SLC5A4: variants seen among roughly 807,000 people sequenced by gnomAD.
The protein encoded by SLC5A4 is solute carrier family 5 member 4.
In SLC5A4, 55 loss-of-function variants were observed where a neutral mutation model predicts 70.3. The ratio of observed to expected loss-of-function variants is 0.78; its 90% CI spans 0.63 to 0.98. SLC5A4 has a LOEUF of 0.98. SLC5A4 is among the 50% of genes least tolerant of loss of function. The probability of loss-of-function intolerance (pLI) is 0.00; values close to 1 mark genes in which losing one functional copy is unlikely to be tolerated. For missense variants in SLC5A4, 735 were observed against 839.2 expected, an observed-to-expected ratio of 0.88 and a Z score of 1.53; for synonymous variants, 268 against 305.7, an observed-to-expected ratio of 0.88 and a Z score of 1.29.
chr22:32,275,161 C>A, the SLC5A4 span, among the ~76,000 whole-genome samples: 1 of 152,254 alleles, frequency 6.6e-6, no homozygotes, highest in Non-Finnish European at 1.5e-5. Context: ...AAAGAAAAAT[C>A]GACTCTTGAT....
chr22:32,313,675 C>T, the SLC5A4 span, among the ~76,000 whole-genome samples: 1 of 152,144 alleles, frequency 6.6e-6, no homozygotes, highest in Non-Finnish European at 1.5e-5. Flanking sequence ...CAGCATGAAC[C>T]CCACTGCCCT....
chr22:32,307,303 C>T, the SLC5A4 span, among the ~76,000 whole-genome samples: 49 of 152,146 alleles, frequency 3.2e-4, no homozygotes, highest in African/African-American at 1.2e-3. Context: ...ATTTATCTAG[C>T]ATCAGCTGTT....
Position 32,229,223 on chromosome 22 carries a change from C to T in SLC5A4, c.1251G>A (p.Ala417=), listed in dbSNP as rs5998322. ...IDLYTKMRKQ[A]SEKELLIAGR... is the part of the protein sequence containing the mutation. ...CAGCTATCAGGAGCTCTTTCTCCGA[C>T]GCTTGCTTCCGCATCTTGGTGTAGA... Residue 417 remains alanine, a synonymous_variant, in exon 11 of 15, where the codon GCG becomes GCA. Coordinates refer to ENST00000266086, the MANE Select transcript of SLC5A4 (RefSeq NM_014227.3). The T allele has an allele frequency of 0.064, 103,331 of 1,613,860 alleles. 3,703 individuals carry two copies. Among genetic ancestry groups the T allele is most frequent in the African/African-American group, 0.11 (8,220 of 75,006 alleles).
the SLC5A4 span, among the ~76,000 whole-genome samples, chr22:32,306,818 C>T: frequency 6.6e-6 from 1 of 152,304 alleles, no homozygotes; most frequent in Non-Finnish European, 1.5e-5. Context: ...GGTTATTTGA[C>T]TATGATGTAT....
chr22:32,319,533 CT>C, the SLC5A4 span, among the ~76,000 whole-genome samples: 2 of 152,192 alleles, frequency 1.3e-5, no homozygotes, highest in African/African-American at 4.8e-5. Context: ...AACTGCAGAC[CT>C]TTGGATTCCT....
At chr22:32,340,711 G>C in the SLC5A4 span, among the ~76,000 whole-genome samples, 1 of 152,210 alleles carries the variant, frequency 6.6e-6, no homozygotes, top group African/African-American at 2.4e-5. Flanking sequence ...CAGCGGGGCT[G>C]GTGCGGCTGC....
chr22:32,247,636 G>GGAAC (rs773165884), intron 4 of SLC5A4, 121 bp from the exon 5 acceptor site: 33 of 688,750 alleles, frequency 4.8e-5, no homozygotes, highest in Admixed American at 2.6e-4. Flanking sequence ...TCCTGGTGAT[G>GGAAC]GAACCATGGC....
chr22:32,328,600 C>G, the SLC5A4 span, among the ~76,000 whole-genome samples: 1 of 151,070 alleles, frequency 6.6e-6, no homozygotes, highest in South Asian at 2.1e-4. Context: ...TGTATCCTCC[C>G]CAGCAGTGCC....
chr22:32,280,559 T>C, the SLC5A4 span, among the ~76,000 whole-genome samples: 6 of 152,162 alleles, frequency 3.9e-5, no homozygotes, highest in African/African-American at 1.4e-4. Flanking sequence ...CGAGCTGGAC[T>C]CTCCTCCCTC....
At chr22:32,324,865 C>T in the SLC5A4 span, among the ~76,000 whole-genome samples, 9 of 152,236 alleles carry the variant, frequency 5.9e-5, no homozygotes, top group Admixed American at 1.3e-4. Flanking sequence ...GCCCCGGGAA[C>T]GCTTCCACAT....
intron 5 of SLC5A4, among the ~76,000 whole-genome samples, chr22:32,239,554 A>ATATATATATATATTTT (rs1569374845): frequency 5.9e-5 from 1 of 16,854 alleles, no homozygotes; most frequent in East Asian, 3.1e-3. Flanking sequence ...ATATATATAT[A>ATATATATATATATTTT]TATATATATA....
intron 6 of SLC5A4, among the ~76,000 whole-genome samples, chr22:32,237,850 T>C (rs1251405333): frequency 6.6e-6 from 1 of 152,300 alleles, no homozygotes; most frequent in Non-Finnish European, 1.5e-5. Context: ...TCAGTCTAGT[T>C]AGTCACCAGC....
At chr22:32,220,241 T>A (rs1388774730) in intron 14 of SLC5A4, among the ~76,000 whole-genome samples, 1 of 152,174 alleles carries the variant, frequency 6.6e-6, no homozygotes, top group East Asian at 1.9e-4. Context: ...AGGCCAGTCA[T>A]ACTCAGGAAT....
At chr22:32,290,464 G>C in the SLC5A4 span, among the ~76,000 whole-genome samples, 8 of 152,086 alleles carry the variant, frequency 5.3e-5, no homozygotes, top group South Asian at 1.7e-3. Context: ...TATTACTACA[G>C]GACTCTTTAA....
the SLC5A4 span, among the ~76,000 whole-genome samples, chr22:32,338,106 G>A: frequency 1.3e-5 from 2 of 152,248 alleles, no homozygotes; most frequent in South Asian, 4.1e-4. Flanking sequence ...CGATGATATT[G>A]CTTAGAGCAA....
the SLC5A4 span, among the ~76,000 whole-genome samples, chr22:32,321,596 TTCCTGG>T: frequency 6.6e-6 from 1 of 152,232 alleles, no homozygotes; most frequent in African/African-American, 2.4e-5. Context: ...TAGTTATTTT[TTCCTGG>T]TCCTCCCCCT....
the SLC5A4 span, among the ~76,000 whole-genome samples, chr22:32,330,190 A>C: frequency 2.7e-5 from 2 of 73,312 alleles, no homozygotes; most frequent in Non-Finnish European, 5.0e-5. Flanking sequence ...GGGCTTTGGT[A>C]TGTGTGTTGG....
the SLC5A4 span, among the ~76,000 whole-genome samples, chr22:32,344,474 C>T: frequency 6.6e-6 from 1 of 152,088 alleles, no homozygotes; most frequent in Non-Finnish European, 1.5e-5. Context: ...TGTACACGTA[C>T]ATAAAGTTTT....
At chr22:32,228,659 T>G (rs958654184) in intron 11 of SLC5A4, among the ~76,000 whole-genome samples, 2 of 152,148 alleles carry the variant, frequency 1.3e-5, no homozygotes, top group Non-Finnish European at 2.9e-5. Flanking sequence ...TCCACTATCT[T>G]CAAGGCCCCC....
Sources: gnomAD v4.1 joint callset for allele counts (sites outside exome capture counted in the v4.1 genomes callset) on GRCh38, gnomAD v4.1.1 for gene constraint, MANE v1.5 for transcripts, NCBI Gene and HGNC (gene_info 2026-07-23, HGNC 2026-07-21) for gene names.